The following WWC2 variants were observed in gnomAD, a reference collection of about 807,000 sequenced individuals.
The protein encoded by WWC2 is WW and C2 domain containing 2, also known as protein WWC2.
Under a neutral mutation model 138.5 loss-of-function variants are expected in WWC2, and 101 were observed. The observed-to-expected ratio is 0.73, with a 90% CI of 0.62 to 0.86. WWC2 has a LOEUF of 0.86. WWC2 is among the 40% of genes least tolerant of loss of function. The pLI is 0.00. For synonymous variants in WWC2, 558 were observed against 538.4 expected, an observed-to-expected ratio of 1.04 and a Z score of -0.50; for missense variants, 1,420 against 1,419.4, an observed-to-expected ratio of 1.00 and a Z score of -0.01.
intron 8 of WWC2, 108 bp from the exon 9 acceptor site, chr4:183,253,649 G>A (rs1737045347): frequency 1.2e-5 from 16 of 1,384,920 alleles, no homozygotes; most frequent in Non-Finnish European, 1.6e-5. Context: ...GTAAGGTCAA[G>A]TTAGGAAAAT....
At chr4:183,270,980 G>A (rs1205169796) in intron 15 of WWC2, 100 bp from the exon 16 acceptor site, 11 of 1,101,620 alleles carry the variant, frequency 1.0e-5, no homozygotes, top group Non-Finnish European at 1.2e-5. Flanking sequence ...CCTAAAACAA[G>A]CTCATTCAAT....
chr4:183,135,338 AGTT>A (rs1733076349), intron 1 of WWC2, among the ~76,000 whole-genome samples: 1 of 151,466 alleles, frequency 6.6e-6, no homozygotes, highest in African/African-American at 2.4e-5. Context: ...CTTCCTATTT[AGTT>A]GATTGATTAG....
intron 1 of WWC2, among the ~76,000 whole-genome samples, chr4:183,130,593 A>G (rs1299733895): frequency 6.6e-6 from 1 of 152,132 alleles, no homozygotes; most frequent in Non-Finnish European, 1.5e-5. Flanking sequence ...AGACGTGACT[A>G]TTTCCATTTT....
intron 1 of WWC2, among the ~76,000 whole-genome samples, chr4:183,111,701 T>C (rs993105049): frequency 2.6e-5 from 4 of 151,626 alleles, no homozygotes; most frequent in African/African-American, 9.7e-5. Flanking sequence ...CTGTTTTGTT[T>C]TTTTTTTTTT....
chr4:183,117,215 CTTTTTTTTTTTTTTT>C (rs923478529), intron 1 of WWC2, among the ~76,000 whole-genome samples: 3 of 95,670 alleles, frequency 3.1e-5, no homozygotes, highest in Non-Finnish European at 4.0e-5. Context: ...CATTCTTCTT[CTTTTTTTTTTTTTTT>C]TTTTTTTTTT....
intron 12 of WWC2, among the ~76,000 whole-genome samples, 181 bp from the exon 13 acceptor site, chr4:183,265,507 G>A (rs1469317132): frequency 6.6e-6 from 1 of 152,232 alleles, no homozygotes; most frequent in Non-Finnish European, 1.5e-5. Flanking sequence ...AAGCCCAGAG[G>A]CGGGCTCTTC....
chr4:183,161,563 G>A (rs1162147470), intron 1 of WWC2, among the ~76,000 whole-genome samples: 3 of 152,174 alleles, frequency 2.0e-5, no homozygotes, highest in Admixed American at 1.3e-4. Flanking sequence ...ACAGTCACAC[G>A]CTGCATAAGG....
intron 21 of WWC2, among the ~76,000 whole-genome samples, chr4:183,311,389 C>G (rs1187979506): frequency 6.6e-6 from 1 of 152,112 alleles, no homozygotes; most frequent in African/African-American, 2.4e-5. Context: ...AAAGAAGCCA[C>G]ACCCTAAAGA....
chr4:183,267,505 A>G (rs1737543342), intron 14 of WWC2, among the ~76,000 whole-genome samples: 1 of 152,244 alleles, frequency 6.6e-6, no homozygotes, highest in Non-Finnish European at 1.5e-5. Flanking sequence ...AGACTGAAAC[A>G]ATAAACAGTG....
chr4:183,226,095 C>CTTTTTTTT (rs11321151), intron 4 of WWC2, among the ~76,000 whole-genome samples: 5 of 113,530 alleles, frequency 4.4e-5, no homozygotes, highest in Admixed American at 8.4e-5. Context: ...CTTTTCTTTT[C>CTTTTTTTT]TTTTTTTTTT....
chr4:183,278,325 C>G (rs1194860173), intron 16 of WWC2, among the ~76,000 whole-genome samples: 3 of 152,054 alleles, frequency 2.0e-5, no homozygotes, highest in Admixed American at 6.5e-5. Context: ...CTGTTCTGTT[C>G]CATTGATCTA....
In WWC2 at chr4:183,319,576, TTCTCG is replaced by T. The variant is rs1375686370; in HGVS notation, c.*3852_*3856del. 1 of 1,612,522 alleles carries T rather than the reference TTCTCG, an allele frequency of 6.2e-7. No homozygotes were observed. The highest frequency in any genetic ancestry group is 1.7e-5 in the Admixed American group (1 of 59,806). The stretch of plus-strand genomic sequence containing the variant: ...CTGGCTTAGTGTTTCAGGTTGGTGT[TTCTCG>T]TCTCCAGTTCTTGATGATGATCTTG... On this transcript the variant is annotated 3_prime_UTR_variant, in exon 23 of 23. Coordinates refer to ENST00000403733, the MANE Select transcript of WWC2 (RefSeq NM_024949.6).
At chr4:183,289,698 AG>A in intron 21 of WWC2, 63 bp downstream of exon 21, 1 of 1,572,098 alleles carries the variant, frequency 6.4e-7, no homozygotes, top group Non-Finnish European at 8.6e-7. Flanking sequence ...CGTGCCATGT[AG>A]AAGGTACCCA....
At chr4:183,213,468 C>A (rs2111250209) in intron 4 of WWC2, among the ~76,000 whole-genome samples, 1 of 152,250 alleles carries the variant, frequency 6.6e-6, no homozygotes, top group African/African-American at 2.4e-5. Context: ...AAGCCAAACG[C>A]TAGTTTTATG....
intron 4 of WWC2, among the ~76,000 whole-genome samples, chr4:183,225,781 G>A (rs1303168037): frequency 2.0e-5 from 3 of 152,192 alleles, no homozygotes; most frequent in Non-Finnish European, 4.4e-5. Flanking sequence ...GCAGTGAGAT[G>A]TAGCATAAAC....
At chr4:183,184,102 ATCC>A (rs1168283576) in intron 1 of WWC2, among the ~76,000 whole-genome samples, 1 of 152,208 alleles carries the variant, frequency 6.6e-6, no homozygotes, top group Non-Finnish European at 1.5e-5. Context: ...GAACATTGTC[ATCC>A]TCCTCCAAGG....
At position 183,193,613 on chromosome 4, in the gene WWC2, T is replaced by C; in HGVS notation, c.146T>C (p.Leu49Ser). 3 of 1,613,886 alleles carry C rather than the reference T, an allele frequency of 1.9e-6. No homozygotes were observed. The highest frequency in any genetic ancestry group is 2.5e-6 in the Non-Finnish European group (3 of 1,179,868). ...GTTTGTTGTAGGTTAACGAAGCCCT[T>C]GTCATTTGCTGATTGTGTTGGGGAT... is the stretch of plus-strand genomic sequence containing the variant. The part of the protein sequence containing the change: ...IDPRDRLTKP[L>S]SFADCVGDEL... The change falls in exon 2 of 23, where the codon TTG (leucine) becomes TCG (serine). Residue 49 changes from leucine (L) to serine (S), a missense_variant. By Grantham distance (145) the Leu-to-Ser change is moderately radical. Transcript: ENST00000403733.
intron 1 of WWC2, among the ~76,000 whole-genome samples, chr4:183,149,239 C>T (rs1289058627): frequency 2.6e-5 from 4 of 152,148 alleles, no homozygotes. Flanking sequence ...ATTATCCTGA[C>T]CTTTATGGCA....
chr4:183,119,373 C>T (rs1431908984), intron 1 of WWC2, among the ~76,000 whole-genome samples: 2 of 152,236 alleles, frequency 1.3e-5, no homozygotes, highest in African/African-American at 2.4e-5. Context: ...GAATATAGGA[C>T]GAAGTGAAGA....
Sources: gnomAD v4.1 joint callset for allele counts (sites outside exome capture counted in the v4.1 genomes callset) on GRCh38, gnomAD v4.1.1 for gene constraint, MANE v1.5 for transcripts, NCBI Gene and HGNC (gene_info 2026-07-23, HGNC 2026-07-21) for gene names.